SLC23A2: variants seen among roughly 807,000 people sequenced by gnomAD.
The protein encoded by SLC23A2 is solute carrier family 23 member 2, also known as Na(+)/L-ascorbic acid transporter 2.
Under a neutral mutation model 73.3 loss-of-function variants are expected in SLC23A2, and 36 were observed. The ratio of observed to expected loss-of-function variants is 0.49; its 90% CI spans 0.38 to 0.65. The LOEUF is 0.65. Ranked by LOEUF, SLC23A2 falls within the 30% of genes least tolerant of loss-of-function variation. The pLI, the probability that SLC23A2 is intolerant of heterozygous loss-of-function variation, is 0.00. For missense variants in SLC23A2, 507 were observed against 841.6 expected, an observed-to-expected ratio of 0.60 and a Z score of 4.92; for synonymous variants, 343 against 327.3, an observed-to-expected ratio of 1.05 and a Z score of -0.52.
intron 1 of SLC23A2, among the ~76,000 whole-genome samples, chr20:4,988,267 A>G (rs1445102766): frequency 6.6e-6 from 1 of 151,926 alleles, no homozygotes; most frequent in African/African-American, 2.4e-5. Context: ...ACACCATTGT[A>G]CTCCAGCTTG....
chr20:4,911,723 G>C lies in SLC23A2; in HGVS notation c.207+1157C>G, dbSNP rs74850829. Reference sequence around the variant, plus strand: ...ACTCAAATGAAAGCCTCAGAGCTGCGATACAATTTGGAGATATCAGATTAT... The same window carrying C: ...ACTCAAATGAAAGCCTCAGAGCTGCCATACAATTTGGAGATATCAGATTAT... On this transcript the variant is annotated intron_variant, in intron 4 of 16. Transcript: ENST00000338244. 2.0e-5 allele frequency among the ~76,000 whole-genome samples: 3 copies of C among 152,096 alleles called. No individual in the cohort carries two copies. In the East Asian group the frequency reaches 5.8e-4, roughly 29 times the overall value.
chr20:4,996,535 A>C (rs989559263), intron 1 of SLC23A2, among the ~76,000 whole-genome samples: 6 of 151,746 alleles, frequency 4.0e-5, no homozygotes, highest in African/African-American at 1.5e-4. Context: ...AAAATACAAA[A>C]ATTAGCCGGG....
At chr20:4,923,849 G>A (rs1290453845) in intron 3 of SLC23A2, among the ~76,000 whole-genome samples, 2 of 152,150 alleles carry the variant, frequency 1.3e-5, no homozygotes, top group Non-Finnish European at 2.9e-5. Context: ...TCTTTTCACT[G>A]CTGAAAAGGG....
intron 2 of SLC23A2, among the ~76,000 whole-genome samples, chr20:4,967,862 G>T (rs1296606181): frequency 6.6e-6 from 1 of 152,148 alleles, no homozygotes; most frequent in African/African-American, 2.4e-5. Flanking sequence ...AAGCAGAATG[G>T]GTGTTCTCAG....
At chr20:4,922,843 GCACACACA>G (rs11474556) in intron 3 of SLC23A2, among the ~76,000 whole-genome samples, 3 of 145,748 alleles carry the variant, frequency 2.1e-5, no homozygotes, top group African/African-American at 7.6e-5. Flanking sequence ...AAAAAAAAAA[GCACACACA>G]CACACACACA....
intron 2 of SLC23A2, among the ~76,000 whole-genome samples, chr20:4,937,200 C>A (rs749228078): frequency 2.0e-5 from 3 of 151,964 alleles, no homozygotes; most frequent in Non-Finnish European, 4.4e-5. Context: ...CAAGGTCCAG[C>A]GGCAAAATGC....
chr20:4,987,806 A>G lies in SLC23A2; in HGVS notation c.-282+13600T>C, dbSNP rs372934934. 2.6e-5 allele frequency among the ~76,000 whole-genome samples: 4 copies of G among 151,550 alleles called. No homozygotes were observed. The East Asian group carries it at 5.9e-4, about 22-fold the overall frequency. Reference sequence around the variant, plus strand: ...GAGCTTGCAGTGAGCCGATCACGCCACTGTGCTCCAGCCTGGGCGACAGAG... The same window carrying G: ...GAGCTTGCAGTGAGCCGATCACGCCGCTGTGCTCCAGCCTGGGCGACAGAG... On this transcript the variant is annotated intron_variant, in intron 1 of 16. Coordinates refer to ENST00000338244, the MANE Select transcript of SLC23A2 (RefSeq NM_005116.6).
intron 4 of SLC23A2, among the ~76,000 whole-genome samples, chr20:4,906,072 T>G (rs1220039465): frequency 6.6e-6 from 1 of 152,224 alleles, no homozygotes; most frequent in African/African-American, 2.4e-5. Flanking sequence ...GCATGGTGGC[T>G]CATGTCTATA....
At chr20:4,925,616 A>T (rs1425841889) in intron 3 of SLC23A2, among the ~76,000 whole-genome samples, 1 of 151,440 alleles carries the variant, frequency 6.6e-6, no homozygotes, top group African/African-American at 2.4e-5. Flanking sequence ...CTATCTCCAG[A>T]CCCTTCCTGC....
At chr20:4,887,045 G>A (rs913219761) in intron 6 of SLC23A2, among the ~76,000 whole-genome samples, 12 of 152,214 alleles carry the variant, frequency 7.9e-5, no homozygotes, top group Admixed American at 7.2e-4. Flanking sequence ...TGTTACAGAT[G>A]CTCTCCTGGC....
upstream of SLC23A2, among the ~76,000 whole-genome samples, chr20:5,004,701 A>G (rs571212110): frequency 5.3e-5 from 8 of 151,834 alleles, no homozygotes; most frequent in African/African-American, 1.9e-4. Context: ...TAAATAAATT[A>G]ATTAATTAAA....
intron 7 of SLC23A2, 93 bp downstream of exon 7, chr20:4,885,728 G>T (rs933895232): frequency 9.3e-6 from 8 of 861,990 alleles, no homozygotes; most frequent in African/African-American, 8.4e-5. Context: ...ATTCTTGAAA[G>T]GATTTAGCGC....
chr20:4,924,351 C>G (rs1409588339), intron 3 of SLC23A2, among the ~76,000 whole-genome samples: 1 of 152,102 alleles, frequency 6.6e-6, no homozygotes, highest in African/African-American at 2.4e-5. Flanking sequence ...ATGGGTGTCT[C>G]TTTCTGAAGG....
chr20:4,876,779 C>T (rs542177938), intron 9 of SLC23A2, among the ~76,000 whole-genome samples: 10 of 152,298 alleles, frequency 6.6e-5, no homozygotes, highest in East Asian at 1.9e-4. Context: ...CATGTAATAT[C>T]GTGGTCTATC....
At position 4,947,985 on chromosome 20, in the gene SLC23A2, T is replaced by C. The variant is rs566435530; in HGVS notation, c.-154-15269A>G. On this transcript the variant is annotated intron_variant, in intron 2 of 16. Transcript: ENST00000338244. This position sits in a 1 kb window ranked among gnomAD's most constrained non-coding sequence, Gnocchi z 4.4. ...CTGGATAACTTCCAGGAGATGGCTGTGCCCTGCTGATTCAGTCCCACTGTG... is the reference window on the plus strand; with the variant it reads ...CTGGATAACTTCCAGGAGATGGCTGCGCCCTGCTGATTCAGTCCCACTGTG... 7.9e-5 allele frequency among the ~76,000 whole-genome samples: 12 copies of C among 152,364 alleles called. No homozygotes were observed. Among genetic ancestry groups the C allele is most frequent in the Middle Eastern group, 3.4e-3 (1 of 294 alleles).
intron 1 of SLC23A2, among the ~76,000 whole-genome samples, chr20:4,983,624 T>G (rs1377406404): frequency 1.5e-4 from 13 of 85,428 alleles, no homozygotes; most frequent in African/African-American, 4.7e-5. Flanking sequence ...CCAGCCTGGG[T>G]GACAAAGCAA....
chr20:4,931,108 G>A (rs1316787225), intron 3 of SLC23A2, among the ~76,000 whole-genome samples: 7 of 143,510 alleles, frequency 4.9e-5, no homozygotes, highest in East Asian at 2.0e-4. Flanking sequence ...CTCCAAGGCC[G>A]GAGGATTGCT....
intron 4 of SLC23A2, among the ~76,000 whole-genome samples, chr20:4,908,422 A>C (rs1488806287): frequency 6.6e-6 from 1 of 152,252 alleles, no homozygotes; most frequent in Non-Finnish European, 1.5e-5. Flanking sequence ...ATACCTAAAA[A>C]GTAAATGCCT....
chr20:5,005,986 CA>C (rs372885827), upstream of SLC23A2, among the ~76,000 whole-genome samples: 18 of 139,144 alleles, frequency 1.3e-4, no homozygotes, highest in Admixed American at 2.1e-4. Flanking sequence ...AACTCCGTCT[CA>C]AAAAAAAAAG....
Sources: allele counts gnomAD v4.1 joint callset (sites outside exome capture counted in the v4.1 genomes callset), GRCh38; gene constraint gnomAD v4.1.1; non-coding constraint Gnocchi (gnomAD v3.1); transcripts MANE v1.5; gene names NCBI Gene and HGNC (gene_info 2026-07-23, HGNC 2026-07-21).